TMEM161B: variants seen among roughly 807,000 people sequenced by gnomAD.
TMEM161B encodes the protein transmembrane protein 161B.
Under a neutral mutation model 61.8 loss-of-function variants are expected in TMEM161B, and 34 were observed. That is an observed-to-expected ratio of 0.55 (90% CI 0.42 to 0.73). The LOEUF is 0.73. Among genes scored for constraint, TMEM161B ranks in the 30% least tolerant of loss-of-function variants. The pLI, the probability that TMEM161B is intolerant of heterozygous loss-of-function variation, is 0.00. For missense variants in TMEM161B, 456 were observed against 558.5 expected, an observed-to-expected ratio of 0.82 and a Z score of 1.85; for synonymous variants, 167 against 192.8, an observed-to-expected ratio of 0.87 and a Z score of 1.11.
At chr5:88,211,273 A>G (rs778482534) in intron 5 of TMEM161B, among the ~76,000 whole-genome samples, 6 of 152,096 alleles carry the variant, frequency 3.9e-5, no homozygotes, top group Non-Finnish European at 7.4e-5. Context: ...ATACATACAT[A>G]TTTTTATTTA....
intron 2 of TMEM161B, among the ~76,000 whole-genome samples, chr5:88,229,751 T>C (rs963361912): frequency 6.7e-6 from 1 of 150,148 alleles, no homozygotes; most frequent in Non-Finnish European, 1.5e-5. Flanking sequence ...CAATTGCTGT[T>C]CCCCCCGTCC....
rs1745649667 is a variant in TMEM161B, at chr5:88,207,082, G to A, written c.545C>T (p.Ala182Val). The A allele has an allele frequency of 1.2e-6, 2 of 1,612,686 alleles. No homozygotes were observed. The highest frequency in any genetic ancestry group is 1.3e-5 in the African/African-American group (1 of 74,860). ...TTCTGTTACAATCAACACTGCCATT[G>A]CTTTGACAAAGAAAAAAAATCCAAA... ...VTFGFFFFVK[A>V]MAVLIVTENY... Residue 182 changes from alanine (A) to valine (V), a missense_variant, in exon 6 of 12, where the codon GCA (alanine) becomes GTA (valine). This residue lies in a region of TMEM161B where 367 missense variants were observed against 427.3 expected (regional missense o/e 0.86). Transcript: ENST00000296595.
intron 2 of TMEM161B, among the ~76,000 whole-genome samples, chr5:88,238,618 TTC>T (rs756552493): frequency 3.3e-5 from 5 of 152,074 alleles, no homozygotes; most frequent in Non-Finnish European, 5.9e-5. Context: ...GCCCTCGGAT[TTC>T]TCTCTTCAAC....
intron 5 of TMEM161B, among the ~76,000 whole-genome samples, chr5:88,217,749 C>T (rs1030143540): frequency 6.6e-6 from 1 of 151,964 alleles, no homozygotes; most frequent in Non-Finnish European, 1.5e-5. Context: ...CAGCAACTTA[C>T]CTCACCATGT....
intron 2 of TMEM161B, among the ~76,000 whole-genome samples, chr5:88,230,396 T>C (rs972203720): frequency 6.6e-6 from 1 of 152,296 alleles, no homozygotes; most frequent in East Asian, 1.9e-4. Flanking sequence ...CAGCTATTAA[T>C]TGTGATGAGT....
intron 1 of TMEM161B, among the ~76,000 whole-genome samples, chr5:88,268,381 G>A (rs1303377183): frequency 6.6e-6 from 1 of 152,158 alleles, no homozygotes; most frequent in East Asian, 1.9e-4. Flanking sequence ...GGAGAAGGGG[G>A]CGCAGAAGAG....
At position 88,211,207 on chromosome 5, in the gene TMEM161B, A is replaced by G. The variant is rs188374238; in HGVS notation, c.447-4027T>C. Among the ~76,000 whole-genome samples, 105 of 152,242 alleles carry G rather than the reference A, an allele frequency of 6.9e-4. 2 individuals carry two copies. Among genetic ancestry groups the G allele is most frequent in the Admixed American group, 6.5e-3 (99 of 15,290 alleles). ...AAAAAAGTAACTTCAAGAAAAAAAG[A>G]GATGACAGACACAGCAGAATGAAGT... is the stretch of plus-strand genomic sequence containing the variant. On this transcript the variant is annotated intron_variant, in intron 5 of 11. Transcript: ENST00000296595.
downstream of TMEM161B, among the ~76,000 whole-genome samples, chr5:88,188,451 A>G (rs755442089): frequency 4.6e-5 from 7 of 152,096 alleles, no homozygotes; most frequent in African/African-American, 7.2e-5. Flanking sequence ...TTCCATGGTG[A>G]TCAGAAAAAC....
At chr5:88,207,284 T>C (rs530464266) in intron 5 of TMEM161B, 104 bp from the exon 6 acceptor site, 3 of 1,114,440 alleles carry the variant, frequency 2.7e-6, no homozygotes, top group East Asian at 5.1e-5. Flanking sequence ...ACAACATTTA[T>C]TTCCAAGTGG....
intron 2 of TMEM161B, among the ~76,000 whole-genome samples, chr5:88,228,846 G>C (rs1031694741): frequency 1.3e-5 from 2 of 152,166 alleles, no homozygotes; most frequent in Non-Finnish European, 2.9e-5. Flanking sequence ...AGTGAAGTCT[G>C]TAGCCAAGTG....
At chr5:88,218,634 G>A (rs529028455) in intron 5 of TMEM161B, among the ~76,000 whole-genome samples, 3 of 152,174 alleles carry the variant, frequency 2.0e-5, no homozygotes, top group South Asian at 4.2e-4. Context: ...AATAAAGAGA[G>A]ATGTGATTGC....
intron 4 of TMEM161B, among the ~76,000 whole-genome samples, chr5:88,224,222 C>T (rs955163791): frequency 6.6e-6 from 1 of 152,142 alleles, no homozygotes; most frequent in African/African-American, 2.4e-5. Context: ...CAAACCTAGT[C>T]AAAAATCAAA....
intron 1 of TMEM161B, among the ~76,000 whole-genome samples, chr5:88,255,361 G>A (rs771256419): frequency 1.8e-4 from 27 of 152,246 alleles, no homozygotes; most frequent in South Asian, 4.1e-4. Context: ...TACCTGCAGC[G>A]CTTACAGACA....
In TMEM161B at chr5:88,202,949, T is replaced by C. The variant is rs751224263; in HGVS notation, c.914+13A>G. The stretch of plus-strand genomic sequence containing the variant: ...TTGGTGATAAAAATCAGCCCTCAAA[T>C]GCCCATACTTACAAAGGGATACTTT... On this transcript the variant is annotated intron_variant, in intron 9 of 11. Transcript: ENST00000296595. 9 of 1,548,118 alleles carry C rather than the reference T, an allele frequency of 5.8e-6. No individual in the cohort carries two copies. The South Asian group carries it at 1.0e-4, about 17-fold the overall frequency.
At chr5:88,192,712 A>G (rs1328956258), downstream of TMEM161B, among the ~76,000 whole-genome samples, 1 of 152,228 alleles carries the variant, frequency 6.6e-6, no homozygotes, top group African/African-American at 2.4e-5. Context: ...ACACAGGATG[A>G]TCTGCATTTA....
chr5:88,191,735 A>T (rs549061865), downstream of TMEM161B, among the ~76,000 whole-genome samples: 1,362 of 151,800 alleles, frequency 9.0e-3, 13 homozygotes, highest in Non-Finnish European at 0.014. Flanking sequence ...AGGCAGGTGG[A>T]TCACGAGGTC....
chr5:88,239,286 TACAG>T (rs949190815), intron 2 of TMEM161B, among the ~76,000 whole-genome samples: 6 of 151,976 alleles, frequency 3.9e-5, no homozygotes, highest in African/African-American at 1.4e-4. Context: ...TCAAGGTCTT[TACAG>T]ACAAAGGAGA....
At chr5:88,267,462 A>G (rs750999995) in intron 1 of TMEM161B, among the ~76,000 whole-genome samples, 2 of 152,210 alleles carry the variant, frequency 1.3e-5, no homozygotes, top group Non-Finnish European at 2.9e-5. Context: ...TCAAAAGCCA[A>G]TCACCACACA....
At chr5:88,262,424 C>T (rs189306181) in intron 1 of TMEM161B, among the ~76,000 whole-genome samples, 1 of 152,138 alleles carries the variant, frequency 6.6e-6, no homozygotes. Context: ...GAACTGAAAA[C>T]CTTTGTCCAC....
Sources: gnomAD v4.1 joint callset for allele counts (sites outside exome capture counted in the v4.1 genomes callset) on GRCh38, gnomAD v4.1.1 for gene constraint, gnomAD v4.1.1 regional missense constraint, MANE v1.5 for transcripts, NCBI Gene and HGNC (gene_info 2026-07-23, HGNC 2026-07-21) for gene names.